The following FMNL2 variants were observed in gnomAD, a reference collection of about 807,000 sequenced individuals.
FMNL2 encodes the protein formin-like protein 2.
In FMNL2, 51 loss-of-function variants were observed where a neutral mutation model predicts 130.2. That is an observed-to-expected ratio of 0.39 (90% CI 0.31 to 0.49). The LOEUF is 0.49. Ranked by LOEUF, FMNL2 falls within the 20% of genes least tolerant of loss-of-function variation. The pLI, the probability that FMNL2 is intolerant of heterozygous loss-of-function variation, is 0.85. For synonymous variants in FMNL2, 465 were observed against 467.1 expected (o/e 1.00, Z 0.06); for missense variants, 977 against 1,316.2 (o/e 0.74, Z 3.99).
At chr2:152,559,420 C>T (rs1470396920) in intron 5 of FMNL2, among the ~76,000 whole-genome samples, 1 of 152,164 alleles carries the variant, frequency 6.6e-6, no homozygotes, top group Admixed American at 6.5e-5. Flanking sequence ...TCTCCTGCCT[C>T]AGCCTCCTGA....
chr2:152,416,107 C>G (rs1686596675), intron 1 of FMNL2, among the ~76,000 whole-genome samples: 1 of 145,612 alleles, frequency 6.9e-6, no homozygotes, highest in South Asian at 2.1e-4. Flanking sequence ...TGCAAAACTA[C>G]TTCTAGAGAG....
chr2:152,583,934 G>A (rs1322351723), intron 9 of FMNL2, among the ~76,000 whole-genome samples: 1 of 152,184 alleles, frequency 6.6e-6, no homozygotes, highest in Non-Finnish European at 1.5e-5. Context: ...TGGGAATGAA[G>A]ACAAGGTAGC....
chr2:152,594,995 AC>A lies in FMNL2; in HGVS notation c.877-12343del, dbSNP rs1191077845. ...AGATGTTCCCCGCAAACTCTGCGTC[AC>A]AGGGGAGTGGAAATGGCCAGTCATG... is the stretch of plus-strand genomic sequence containing the variant. On this transcript the variant is annotated intron_variant, in intron 9 of 25. Coordinates refer to ENST00000288670, the MANE Select transcript of FMNL2 (RefSeq NM_052905.4). Among the ~76,000 whole-genome samples the A allele has an allele frequency of 2.0e-5, 3 of 152,274 alleles. No homozygotes were observed. In the East Asian group the frequency reaches 5.8e-4, roughly 29 times the overall value.
chr2:152,371,359 C>T (rs1169428562), intron 1 of FMNL2, among the ~76,000 whole-genome samples: 1 of 128,946 alleles, frequency 7.8e-6, no homozygotes. Context: ...ATATTTGTTC[C>T]TTCCAAAACT....
intron 1 of FMNL2, among the ~76,000 whole-genome samples, chr2:152,453,852 G>A (rs376644650): frequency 1.3e-5 from 2 of 152,304 alleles, no homozygotes; most frequent in Non-Finnish European, 2.9e-5. Context: ...ATGTGCTCTC[G>A]TGTCCTAGCC....
intron 1 of FMNL2, among the ~76,000 whole-genome samples, chr2:152,405,298 G>C (rs143154697): frequency 3.3e-5 from 5 of 152,244 alleles, no homozygotes; most frequent in Non-Finnish European, 7.4e-5. Flanking sequence ...TTCCTTTCTG[G>C]TCTTTTTTGG....
At chr2:152,599,538 T>C (rs576205867) in intron 9 of FMNL2, among the ~76,000 whole-genome samples, 69 of 151,660 alleles carry the variant, frequency 4.5e-4, no homozygotes, top group Non-Finnish European at 8.4e-4. Context: ...TTGGGTTCTT[T>C]ATTCAGTACA....
At position 152,630,933 on chromosome 2, in the gene FMNL2, C is replaced by T. The variant is rs1682116419; in HGVS notation, c.2550+1028C>T. Reference sequence around the variant, plus strand: ...TGGGAGAGTTCATGTAATCAGTGTCCCCCTTATCCATGGGGGCTGTGATCC... The same window carrying T: ...TGGGAGAGTTCATGTAATCAGTGTCTCCCTTATCCATGGGGGCTGTGATCC... On this transcript the variant is annotated intron_variant, in intron 20 of 25. Transcript: ENST00000288670. Among the ~76,000 whole-genome samples, 3 of 152,218 alleles carry T rather than the reference C, an allele frequency of 2.0e-5. No homozygotes were observed. In the South Asian group the frequency reaches 6.2e-4, roughly 32 times the overall value.
chr2:152,472,367 C>G (rs776601834), intron 1 of FMNL2, among the ~76,000 whole-genome samples: 1 of 152,050 alleles, frequency 6.6e-6, no homozygotes, highest in African/African-American at 2.4e-5. Flanking sequence ...GGTCCACAAC[C>G]CTATGTTAAT....
chr2:152,574,421 C>T (rs1442005283), intron 6 of FMNL2, among the ~76,000 whole-genome samples: 7 of 137,120 alleles, frequency 5.1e-5, no homozygotes, highest in African/African-American at 1.1e-4. Context: ...GGTGACAGAG[C>T]GAGACTCTGT....
chr2:152,437,247 A>T (rs1181946091), intron 1 of FMNL2, among the ~76,000 whole-genome samples: 2 of 152,146 alleles, frequency 1.3e-5, no homozygotes, highest in African/African-American at 4.8e-5. Context: ...GGACAAAAAC[A>T]TTCACTCCAT....
chr2:152,607,002 T>TTTTG (rs1559002997), intron 9 of FMNL2, among the ~76,000 whole-genome samples: 5 of 130,584 alleles, frequency 3.8e-5, no homozygotes, highest in Non-Finnish European at 6.5e-5. Context: ...CGTTTTTTTT[T>TTTTG]TTTGTTTTTT....
At chr2:152,468,465 TC>T (rs1189949235) in intron 1 of FMNL2, among the ~76,000 whole-genome samples, 2 of 152,264 alleles carry the variant, frequency 1.3e-5, no homozygotes, top group African/African-American at 4.8e-5. Flanking sequence ...TGTTTTTTTT[TC>T]ATTTGTATAT....
chr2:152,516,700 A>G (rs923800714), intron 1 of FMNL2, among the ~76,000 whole-genome samples: 3 of 152,170 alleles, frequency 2.0e-5, no homozygotes, highest in Admixed American at 6.6e-5. Context: ...CATTAATACC[A>G]TGAAACCAGG....
chr2:152,449,442 C>G (rs1688518130), intron 1 of FMNL2, among the ~76,000 whole-genome samples: 2 of 152,180 alleles, frequency 1.3e-5, no homozygotes, highest in African/African-American at 2.4e-5. Context: ...TTCCTGACCT[C>G]TCCCCTTAAA....
chr2:152,620,497 T>TTAG (rs1428074562), intron 15 of FMNL2, among the ~76,000 whole-genome samples: 1 of 152,216 alleles, frequency 6.6e-6, no homozygotes, highest in Admixed American at 6.5e-5. Context: ...AGTGTTTCCC[T>TTAG]GGCATCTGGA....
chr2:152,451,384 G>A (rs1478350383), intron 1 of FMNL2, among the ~76,000 whole-genome samples: 2 of 151,888 alleles, frequency 1.3e-5, no homozygotes, highest in African/African-American at 2.4e-5. Context: ...TCCTGACCTC[G>A]TGATCTGCCC....
intron 1 of FMNL2, among the ~76,000 whole-genome samples, chr2:152,350,218 C>T: frequency 6.6e-6 from 1 of 152,088 alleles, no homozygotes. Flanking sequence ...CGATTTGTTT[C>T]TCCGTTTGCT....
intron 4 of FMNL2, among the ~76,000 whole-genome samples, chr2:152,556,831 TG>T (rs895495008): frequency 2.0e-5 from 3 of 152,106 alleles, no homozygotes; most frequent in Non-Finnish European, 4.4e-5. Flanking sequence ...TGTGTTCTTA[TG>T]GGCCACTGAG....
Sources: gnomAD v4.1 joint callset for allele counts (sites outside exome capture counted in the v4.1 genomes callset) on GRCh38, gnomAD v4.1.1 for gene constraint, MANE v1.5 for transcripts, NCBI Gene and HGNC (gene_info 2026-07-23, HGNC 2026-07-21) for gene names.